CALN1: variants seen among roughly 807,000 people sequenced by gnomAD.
CALN1 encodes calneuron 1.
Under a neutral mutation model 30.6 loss-of-function variants are expected in CALN1, and 17 were observed. The ratio of observed to expected loss-of-function variants is 0.56; its 90% CI spans 0.38 to 0.83. The LOEUF (loss-of-function observed/expected upper bound fraction) is 0.83. Among genes scored for constraint, CALN1 ranks in the 40% least tolerant of loss-of-function variants. The probability of loss-of-function intolerance (pLI) is 0.00; values close to 1 mark genes in which losing one functional copy is unlikely to be tolerated. For missense variants in CALN1, 291 were observed against 354.9 expected (o/e 0.82, Z 1.45); for synonymous variants, 156 against 131.4 (o/e 1.19, Z -1.28).
chr7:72,501,925 A>AT, the CALN1 span, among the ~76,000 whole-genome samples: 26 of 87,926 alleles, frequency 3.0e-4, no homozygotes, highest in Admixed American at 4.8e-4. Flanking sequence ...AAAAAAAAAA[A>AT]AAAATATATA....
the CALN1 span, among the ~76,000 whole-genome samples, chr7:72,458,120 T>G: frequency 7.1e-6 from 1 of 140,530 alleles, no homozygotes. Context: ...AAAATGAAAA[T>G]TGGTTTTATA....
chr7:72,225,724 A>G (rs481350), intron 3 of CALN1, among the ~76,000 whole-genome samples: 149,679 of 152,222 alleles, frequency 0.98, 73,600 homozygotes, highest in Middle Eastern at 1. Context: ...AATCAAACTC[A>G]GCTGTTTCTG....
chr7:72,255,792 G>A (rs1266748365), intron 3 of CALN1, among the ~76,000 whole-genome samples: 5 of 148,372 alleles, frequency 3.4e-5, no homozygotes, highest in African/African-American at 1.2e-4. Context: ...GTGCAGTGGC[G>A]CAATCTCGGC....
chr7:72,034,245 T>G (rs1267620523), intron 4 of CALN1, among the ~76,000 whole-genome samples: 14 of 147,686 alleles, frequency 9.5e-5, no homozygotes, highest in African/African-American at 3.5e-4. Context: ...TCCCAGCTAC[T>G]GGGGAGGCTG....
At chr7:71,967,632 A>AG (rs1797592977) in intron 5 of CALN1, among the ~76,000 whole-genome samples, 3 of 143,564 alleles carry the variant, frequency 2.1e-5, no homozygotes, top group Non-Finnish European at 4.5e-5. Flanking sequence ...TTTCAAAAAA[A>AG]AAAAAAAAAA....
chr7:72,180,924 C>G (rs895051218), intron 3 of CALN1, among the ~76,000 whole-genome samples: 3 of 151,784 alleles, frequency 2.0e-5, no homozygotes, highest in Admixed American at 1.3e-4. Context: ...ACAGTGAAAC[C>G]CCATCTCTTC....
intron 1 of CALN1, among the ~76,000 whole-genome samples, chr7:72,443,242 C>T (rs192923355): frequency 7.2e-5 from 11 of 152,284 alleles, no homozygotes; most frequent in African/African-American, 1.7e-4. Flanking sequence ...CTGCAAGTTC[C>T]GCAAGAGCAG....
chr7:72,344,542 T>TA (rs1802526749), intron 2 of CALN1, among the ~76,000 whole-genome samples: 1 of 148,144 alleles, frequency 6.8e-6, no homozygotes, highest in Non-Finnish European at 1.5e-5. Flanking sequence ...AGAACAAGTA[T>TA]TGAGGGGATA....
At chr7:71,948,735 A>G (rs1796535058) in intron 5 of CALN1, among the ~76,000 whole-genome samples, 1 of 139,676 alleles carries the variant, frequency 7.2e-6, no homozygotes, top group Non-Finnish European at 1.6e-5. Context: ...TGTCTCAAAA[A>G]AAAAAAAAAT....
At chr7:71,990,001 G>A (rs983894313) in intron 5 of CALN1, among the ~76,000 whole-genome samples, 1 of 152,150 alleles carries the variant, frequency 6.6e-6, no homozygotes, top group Admixed American at 6.5e-5. Context: ...TTGAATAGGG[G>A]CTGGATAAAA....
chr7:72,169,962 G>A (rs1788821227), intron 3 of CALN1, among the ~76,000 whole-genome samples: 1 of 151,670 alleles, frequency 6.6e-6, no homozygotes, highest in Admixed American at 6.6e-5. Context: ...CGAAGTGCTG[G>A]GATTACGGGC....
chr7:71,993,469 T>C (rs1444073701), intron 5 of CALN1, among the ~76,000 whole-genome samples: 1 of 151,256 alleles, frequency 6.6e-6, no homozygotes, highest in African/African-American at 2.4e-5. Flanking sequence ...TTTTTTTTTT[T>C]TGTCTGTCAT....
chr7:72,109,744 T>C (rs1178038295), intron 3 of CALN1, among the ~76,000 whole-genome samples: 2 of 152,130 alleles, frequency 1.3e-5, no homozygotes, highest in Non-Finnish European at 2.9e-5. Context: ...GATCCCCAAT[T>C]GCCAAGGATG....
At chr7:72,123,751 T>C (rs1239134588) in intron 3 of CALN1, among the ~76,000 whole-genome samples, 1 of 152,210 alleles carries the variant, frequency 6.6e-6, no homozygotes, top group East Asian at 1.9e-4. Flanking sequence ...GAGCTGACTA[T>C]GAAGGAAATT....
chr7:72,451,339 G>C (rs190430787), upstream of CALN1, among the ~76,000 whole-genome samples: 1 of 143,858 alleles, frequency 7.0e-6, no homozygotes, highest in Non-Finnish European at 1.5e-5. Context: ...AGAAAGAGGA[G>C]GAGGGAGAAG....
the CALN1 span, among the ~76,000 whole-genome samples, chr7:72,452,884 T>C: frequency 2.8e-4 from 42 of 152,070 alleles, no homozygotes; most frequent in East Asian, 7.5e-3. Context: ...GACTCTGCAA[T>C]GTGGGGGCCA....
the CALN1 span, among the ~76,000 whole-genome samples, chr7:72,499,886 TTTCTTTC>T: frequency 1.4e-5 from 1 of 73,544 alleles, no homozygotes; most frequent in South Asian, 4.1e-4. Flanking sequence ...TCTTTCTTTC[TTTCTTTC>T]TTTCTTTCTT....
chr7:72,475,014 A>C, the CALN1 span, among the ~76,000 whole-genome samples: 2 of 152,162 alleles, frequency 1.3e-5, no homozygotes, highest in African/African-American at 4.8e-5. Context: ...AAACCCTCTC[A>C]AGACAGTATC....
chr7:72,408,377 G>A (rs1391954292), intron 1 of CALN1, among the ~76,000 whole-genome samples: 2 of 151,988 alleles, frequency 1.3e-5, no homozygotes, highest in East Asian at 3.9e-4. Flanking sequence ...CCCGGGAGGT[G>A]GAGGTTGCAG....
Sources: allele counts gnomAD v4.1 joint callset (sites outside exome capture counted in the v4.1 genomes callset), GRCh38; gene constraint gnomAD v4.1.1; transcripts MANE v1.5; gene names NCBI Gene and HGNC (gene_info 2026-07-23, HGNC 2026-07-21).